COL22A1: variants seen among roughly 807,000 people sequenced by gnomAD.
COL22A1 encodes the protein collagen alpha-1(XXII) chain.
In COL22A1, 221 loss-of-function variants were observed where a neutral mutation model predicts 248.9. That is an observed-to-expected ratio of 0.89 (90% CI 0.80 to 0.99). COL22A1 has a LOEUF of 0.99. COL22A1 is among the 50% of genes least tolerant of loss of function. The pLI is 0.00. For synonymous variants in COL22A1, 891 were observed against 793.4 expected (o/e 1.12, Z -2.07); for missense variants, 2,240 against 2,179.0 (o/e 1.03, Z -0.56).
intron 46 of COL22A1, among the ~76,000 whole-genome samples, chr8:138,648,946 G>C (rs926319649): frequency 6.6e-6 from 1 of 152,140 alleles, no homozygotes; most frequent in Non-Finnish European, 1.5e-5. Flanking sequence ...ATTTCTTCCT[G>C]TCCTTACCAT....
intron 42 of COL22A1, 60 bp from the exon 43 acceptor site, chr8:138,662,143 C>G (rs1306529058): frequency 7.0e-7 from 1 of 1,419,552 alleles, no homozygotes; most frequent in Non-Finnish European, 9.8e-7. Flanking sequence ...TAAGGACACA[C>G]CCTCCTTGGC....
intron 22 of COL22A1, among the ~76,000 whole-genome samples, chr8:138,748,932 G>T (rs1020720820): frequency 1.3e-5 from 2 of 152,314 alleles, no homozygotes; most frequent in African/African-American, 4.8e-5. Flanking sequence ...GTTGTGAGAG[G>T]GACCTGGTGG....
At chr8:138,873,924 C>A (rs1444291066) in intron 3 of COL22A1, among the ~76,000 whole-genome samples, 1 of 152,182 alleles carries the variant, frequency 6.6e-6, no homozygotes, top group Non-Finnish European at 1.5e-5. Flanking sequence ...TATTTTTAGT[C>A]TACCATTTTC....
intron 55 of COL22A1, among the ~76,000 whole-genome samples, chr8:138,614,478 T>G (rs1211912950): frequency 6.6e-6 from 1 of 152,162 alleles, no homozygotes; most frequent in Admixed American, 6.5e-5. Context: ...AAAAACACTC[T>G]AGAAAATGGA....
At chr8:138,839,061 C>T (rs962094449) in intron 4 of COL22A1, among the ~76,000 whole-genome samples, 18 of 152,146 alleles carry the variant, frequency 1.2e-4, no homozygotes, top group African/African-American at 4.3e-4. Flanking sequence ...CTGCCTCCTC[C>T]AGTAGATGGA....
At chr8:138,664,626 C>G (rs1343227511) in intron 41 of COL22A1, among the ~76,000 whole-genome samples, 4 of 152,146 alleles carry the variant, frequency 2.6e-5, no homozygotes, top group Admixed American at 2.6e-4. Context: ...TTGTTACTGC[C>G]TGTTGGTCCA....
At chr8:138,612,724 C>T (rs964288793) in intron 56 of COL22A1, among the ~76,000 whole-genome samples, 11 of 151,246 alleles carry the variant, frequency 7.3e-5, no homozygotes, top group South Asian at 2.1e-4. Flanking sequence ...GTCAGGAGTT[C>T]GAAACCAGCC....
chr8:138,758,347 G>C (rs1283167765), intron 18 of COL22A1, among the ~76,000 whole-genome samples: 1 of 152,188 alleles, frequency 6.6e-6, no homozygotes, highest in Non-Finnish European at 1.5e-5. Flanking sequence ...CCTCAGAATC[G>C]TGTGAGATCA....
At chr8:138,602,221 G>A in intron 59 of COL22A1, 62 bp from the exon 60 acceptor site, 2 of 1,575,762 alleles carry the variant, frequency 1.3e-6, no homozygotes, top group Non-Finnish European at 8.7e-7. Flanking sequence ...TCCTTGCCTT[G>A]CTGGATATTC....
chr8:138,812,569 C>T (rs1195997299), intron 8 of COL22A1, among the ~76,000 whole-genome samples: 1 of 152,128 alleles, frequency 6.6e-6, no homozygotes, highest in Non-Finnish European at 1.5e-5. Context: ...ATGTCCTGAC[C>T]TCCCTGTCTT....
intron 63 of COL22A1, among the ~76,000 whole-genome samples, chr8:138,592,489 C>T (rs934918555): frequency 6.6e-6 from 1 of 152,094 alleles, no homozygotes; most frequent in African/African-American, 2.4e-5. Flanking sequence ...TTCTTATTGA[C>T]ATTTATTTTA....
intron 6 of COL22A1, among the ~76,000 whole-genome samples, chr8:138,823,765 T>C (rs1819353772): frequency 6.6e-6 from 1 of 152,254 alleles, no homozygotes; most frequent in Non-Finnish European, 1.5e-5. Flanking sequence ...TGCGTATCTT[T>C]TGTTCACCTT....
chr8:138,780,014 G>A (rs1412788702), intron 13 of COL22A1, among the ~76,000 whole-genome samples: 1 of 152,014 alleles, frequency 6.6e-6, no homozygotes, highest in Non-Finnish European at 1.5e-5. Flanking sequence ...CTCCTGCCTC[G>A]GCCTCCCAAA....
intron 32 of COL22A1, among the ~76,000 whole-genome samples, chr8:138,696,165 C>A (rs12674962): frequency 6.6e-6 from 1 of 151,948 alleles, no homozygotes; most frequent in Non-Finnish European, 1.5e-5. Flanking sequence ...TTCTCCAGGA[C>A]GGCAGATAAC....
chr8:138,713,713 C>CCG (rs146247855), intron 30 of COL22A1, among the ~76,000 whole-genome samples: 4 of 13,736 alleles, frequency 2.9e-4, no homozygotes, highest in African/African-American at 4.8e-4. Flanking sequence ...TGAGTCCACC[C>CCG]CCACCGCCCC....
Position 138,826,664 on chromosome 8 carries a change from G to C in COL22A1, c.963C>G (p.Ile321Met). The C allele has an allele frequency of 1.2e-6, 2 of 1,613,860 alleles. No individual in the cohort carries two copies. The highest frequency in any genetic ancestry group is 1.7e-6 in the Non-Finnish European group (2 of 1,179,844). ...AGGCATCTGCTGCCCTTACCTGTGG[G>C]ATGCTGTACTGGTCGATGACCTGCC... Reference protein sequence around the residue: ...YIWQVIDQYSIPQVSIRLDGE... With the variant: ...YIWQVIDQYSMPQVSIRLDGE... The change falls in exon 6 of 65, where the codon ATC becomes ATG. Residue 321 changes from isoleucine to methionine, a missense_variant. Ile to Met is a conservative substitution (Grantham distance 10). Transcript: ENST00000303045.
chr8:138,693,520 TG>T, intron 35 of COL22A1, 125 bp downstream of exon 35: 2 of 927,556 alleles, frequency 2.2e-6, no homozygotes, highest in Non-Finnish European at 1.7e-6. Context: ...CACTCAAGTG[TG>T]GGTGAACCTT....
chr8:138,601,504 G>A (rs1281256152), intron 60 of COL22A1, among the ~76,000 whole-genome samples: 4 of 152,156 alleles, frequency 2.6e-5, no homozygotes, highest in African/African-American at 9.7e-5. Flanking sequence ...CTGACCAAAC[G>A]CAGGATTGTG....
At chr8:138,909,219 G>A (rs1815254457) in intron 1 of COL22A1, among the ~76,000 whole-genome samples, 1 of 152,152 alleles carries the variant, frequency 6.6e-6, no homozygotes, top group Non-Finnish European at 1.5e-5. Flanking sequence ...CCTCCTAATA[G>A]AGTTAAGTTT....
Sources: gnomAD v4.1 joint callset for allele counts (sites outside exome capture counted in the v4.1 genomes callset) on GRCh38, gnomAD v4.1.1 for gene constraint, MANE v1.5 for transcripts, NCBI Gene and HGNC (gene_info 2026-07-23, HGNC 2026-07-21) for gene names.